Variants in PTPN7 observed in about 807,000 individuals in gnomAD.
PTPN7 encodes the protein tyrosine-protein phosphatase non-receptor type 7.
Under a neutral mutation model 50.3 loss-of-function variants are expected in PTPN7, and 33 were observed. The ratio of observed to expected loss-of-function variants is 0.66; its 90% CI spans 0.50 to 0.88. The LOEUF (loss-of-function observed/expected upper bound fraction) is 0.88, where lower values mean the gene tolerates loss of function less well. Ranked by LOEUF, PTPN7 falls within the 40% of genes least tolerant of loss-of-function variation. The pLI is 0.00. For synonymous variants in PTPN7, 185 were observed against 186.6 expected (o/e 0.99, Z 0.07); for missense variants, 412 against 475.4 (o/e 0.87, Z 1.24).
At chr1:202,158,996 C>A in intron 2 of PTPN7, 1 of 440,354 alleles carries the variant, frequency 2.3e-6, no homozygotes, top group Non-Finnish European at 4.2e-6. Context: ...CCTGCCTCTT[C>A]CCACTCCCAG....
chr1:202,150,000 T>C (rs1426392811), intron 9 of PTPN7: 2 of 208,034 alleles, frequency 9.6e-6, no homozygotes, highest in Non-Finnish European at 2.0e-5. Context: ...CCTGGCTAAT[T>C]TTTGTATTTT....
At chr1:202,152,487 G>T in intron 8 of PTPN7, 55 bp downstream of exon 8, 1 of 1,578,836 alleles carries the variant, frequency 6.3e-7, no homozygotes, top group Non-Finnish European at 8.6e-7. Context: ...AGAGACCCAG[G>T]GGGCAGGGGA....
chr1:202,148,681 C>G lies in PTPN7; in HGVS notation c.1008G>C (p.Thr336=), dbSNP rs374490952. The G allele has an allele frequency of 6.2e-7, 1 of 1,613,740 alleles. No individual in the cohort carries two copies. The highest frequency in any genetic ancestry group is 8.5e-7 in the Non-Finnish European group (1 of 1,179,820). Residue 336 remains threonine (T), a synonymous_variant, in exon 10 of 10, where the codon ACG becomes ACC. Coordinates refer to ENST00000691036, the MANE Select transcript of PTPN7 (RefSeq NM_002832.4). ...LRLDRGGMIQ[T]AEQYQFLHHT... is the part of the protein sequence containing the mutation. ...GGTGCAGGAACTGGTACTGCTCTGCCGTCTGGATCATCCCCCCTCTGCAAG... is the reference window on the plus strand; with the variant it reads ...GGTGCAGGAACTGGTACTGCTCTGCGGTCTGGATCATCCCCCCTCTGCAAG...
At chr1:202,161,413 C>T, upstream of PTPN7, 1 of 1,287,714 alleles carries the variant, frequency 7.8e-7, no homozygotes, top group Non-Finnish European at 1.0e-6. Flanking sequence ...CTGGCCCTCA[C>T]ACCAGGGGAC....
In PTPN7 at chr1:202,150,409, C is replaced by T. The variant is rs777980827; in HGVS notation, c.891G>A (p.Arg297=). Residue 297 remains arginine (R), a synonymous_variant, in exon 9 of 10, where the codon CGG becomes CGA. Transcript: ENST00000691036. ...IVVHCSAGIG[R]TGCFIATRIG... is the part of the protein sequence containing the mutation. ...TTCGCGTGGCGATGAAGCAGCCCGTCCGGCCAATCCCTGCACTGGAGATAG... is the reference window on the plus strand; with the variant it reads ...TTCGCGTGGCGATGAAGCAGCCCGTTCGGCCAATCCCTGCACTGGAGATAG... 3 of 1,608,888 alleles carry T rather than the reference C, an allele frequency of 1.9e-6. No homozygotes were observed. The highest frequency in any genetic ancestry group is 2.5e-6 in the Non-Finnish European group (3 of 1,177,398).
chr1:202,161,008 A>AGCCCTCTCCCTCAAG (rs201144129), upstream of PTPN7: 19 of 1,407,192 alleles, frequency 1.4e-5, no homozygotes, highest in African/African-American at 9.1e-5. Context: ...TCTGCCCCAC[A>AGCCCTCTCCCTCAAG]GCCCTCTCCC....
Position 202,149,234 on chromosome 1 carries a change from C to T in PTPN7, c.990-535G>A, listed in dbSNP as rs145702417. 2.0e-3 allele frequency among the ~76,000 whole-genome samples: 310 copies of T among 152,240 alleles called. 3 individuals are homozygous for T. Among genetic ancestry groups the T allele is most frequent in the African/African-American group, 7.1e-3 (297 of 41,548 alleles). On this transcript the variant is annotated intron_variant, in intron 9 of 9. Transcript: ENST00000691036. ...TGTGAGAGAAGTCCTCTGCCCCTTA[C>T]ACGTGCTGAGGGGTGATGCCCCATG...
intron 5 of PTPN7, among the ~76,000 whole-genome samples, 187 bp downstream of exon 5, chr1:202,155,346 T>G (rs918667864): frequency 2.0e-5 from 3 of 152,058 alleles, no homozygotes; most frequent in Non-Finnish European, 4.4e-5. Context: ...ATCTGCTCCG[T>G]TTTTTAGGTT....
intron 8 of PTPN7, among the ~76,000 whole-genome samples, chr1:202,152,007 T>C (rs747197676): frequency 6.6e-6 from 1 of 150,970 alleles, no homozygotes; most frequent in Non-Finnish European, 1.5e-5. Context: ...CCTCCAGAGT[T>C]TGAGCAATTC....
At chr1:202,158,653 C>T (rs980392388) in intron 2 of PTPN7, 2 of 222,158 alleles carry the variant, frequency 9.0e-6, no homozygotes, top group East Asian at 1.2e-4. Flanking sequence ...AGGCATGAGC[C>T]ACTGTGCCTG....
At chr1:202,158,053 T>C (rs561913052) in intron 3 of PTPN7, 65 bp downstream of exon 3, 1 of 1,488,914 alleles carries the variant, frequency 6.7e-7, no homozygotes, top group Admixed American at 2.2e-5. Context: ...CGTGAGAGAA[T>C]GGTTCCAGCT....
upstream of PTPN7, chr1:202,160,900 A>C (rs1408148318): frequency 1.2e-4 from 171 of 1,455,964 alleles, 1 homozygote; most frequent in East Asian, 4.2e-3. This position sits in a 1 kb window ranked among gnomAD's most constrained non-coding sequence, Gnocchi z 4.8. Flanking sequence ...TGCTGGGCAC[A>C]GCTCGCCTGA....
Position 202,159,940 on chromosome 1 carries a change from C to A in PTPN7, c.-52-486G>T, listed in dbSNP as rs537469041. On this transcript the variant is annotated intron_variant, in intron 1 of 9. Transcript: ENST00000691036. The surrounding 1 kb of genome is among the most constrained non-coding windows in gnomAD (Gnocchi z 4.6). ...GCCAGGCAGGCGGGCTCCTGGACCC[C>A]AGCAGGGTCCTCTCCTAACTGCTGC... The A allele has an allele frequency of 5.7e-3, 5,769 of 1,006,490 alleles. 17 individuals carry two copies. Among genetic ancestry groups the A allele is most frequent in the Middle Eastern group, 0.011 (21 of 1,974 alleles). The allele number at this position is 1,006,490 out of a possible 1,614,324, so 62.3% of individuals were successfully genotyped here.
rs764801992 is a variant in PTPN7, at chr1:202,160,506, G to A, written c.-53+39C>T. 4.2e-5 allele frequency: 64 copies of A among 1,522,772 alleles called. No homozygotes were observed. Among genetic ancestry groups the A allele is most frequent in the East Asian group, 2.5e-4 (10 of 40,434 alleles). The allele number at this position is 1,522,772 out of a possible 1,614,324, so 94.3% of individuals were successfully genotyped here. A position where few individuals can be genotyped will look rare whatever the true frequency, so the allele number is the denominator to read the frequency against. ...TATATCCCCGGAGTTCGCACCCCCC[G>A]GGGCCACAGGACTCCCAGTCCCCCC... On this transcript the variant is annotated intron_variant, in intron 1 of 9. Transcript: ENST00000691036. This position sits in a 1 kb window ranked among gnomAD's most constrained non-coding sequence, Gnocchi z 4.8.
rs10652170 is a variant in PTPN7, at chr1:202,148,847, CTTTTTTTT to C, written c.990-156_990-149del. On this transcript the variant is annotated intron_variant, in intron 9 of 9. Coordinates refer to ENST00000691036, the MANE Select transcript of PTPN7 (RefSeq NM_002832.4). ...TCCTTTGCCTATATTCATCTTTTCA[CTTTTTTTT>C]TTTTTTTTTTTTTTTTGTGAGACAG... 2.5e-4 allele frequency: 35 copies of C among 137,538 alleles called. No homozygotes were observed. In the East Asian group the frequency reaches 3.2e-3, roughly 12 times the overall value. 8.5% of individuals were successfully genotyped at this position (137,538 alleles called of 1,614,324 possible).
In PTPN7 at chr1:202,159,746, A is replaced by G. The variant is rs1657138707; in HGVS notation, c.-52-292T>C. ...GGAGAGAGGCCACACACCAGAGTAC[A>G]CAGGGCTCTGAGCAGGTCCAAGTGG... On this transcript the variant is annotated intron_variant, in intron 1 of 9. Transcript: ENST00000691036. This position sits in a 1 kb window ranked among gnomAD's most constrained non-coding sequence, Gnocchi z 4.6. 3.0e-6 allele frequency: 4 copies of G among 1,335,502 alleles called. No individual in the cohort carries two copies. The highest frequency in any genetic ancestry group is 1.5e-5 in the African/African-American group (1 of 68,386). The allele number at this position is 1,335,502 out of a possible 1,614,324, so 82.7% of individuals were successfully genotyped here.
In PTPN7 at chr1:202,152,524, GA is replaced by G; in HGVS notation, c.875+17del. The G allele has an allele frequency of 6.2e-7, 1 of 1,609,378 alleles. No homozygotes were observed. Reference sequence around the variant, plus strand: ...GGGAGCACAGTCCACAGGCTGCAGTGAAGGGAGGGCCACGCACCTGCAGTGG... The same window carrying G: ...GGGAGCACAGTCCACAGGCTGCAGTGAGGGAGGGCCACGCACCTGCAGTGG... On this transcript the variant is annotated intron_variant, in intron 8 of 9. Transcript: ENST00000691036.
At chr1:202,158,453 T>C in intron 2 of PTPN7, 152 bp from the exon 3 acceptor site, 1 of 740,278 alleles carries the variant, frequency 1.4e-6, no homozygotes, top group Non-Finnish European at 2.1e-6. Flanking sequence ...CTCAAACTCC[T>C]GGGCTGAAGC....
intron 4 of PTPN7, among the ~76,000 whole-genome samples, chr1:202,156,828 G>A (rs1179425699): frequency 1.3e-5 from 2 of 152,196 alleles, no homozygotes; most frequent in African/African-American, 4.8e-5. Context: ...GGAGAGCAGG[G>A]GAGGGAGGGA....
Sources: gnomAD v4.1 joint callset for allele counts (sites outside exome capture counted in the v4.1 genomes callset) on GRCh38, gnomAD v4.1.1 for gene constraint, Gnocchi (gnomAD v3.1) non-coding constraint, MANE v1.5 for transcripts, NCBI Gene and HGNC (gene_info 2026-07-23, HGNC 2026-07-21) for gene names.